FSTL5: variants seen among roughly 807,000 people sequenced by gnomAD.
The protein encoded by FSTL5 is follistatin-related protein 5.
A neutral mutation model predicts 89.1 loss-of-function variants in FSTL5; 62 were observed. The observed-to-expected ratio is 0.70, with a 90% confidence interval of 0.57 to 0.86. The LOEUF (loss-of-function observed/expected upper bound fraction) is 0.86, where lower values mean the gene tolerates loss of function less well. Among genes scored for constraint, FSTL5 ranks in the 40% least tolerant of loss-of-function variants. The probability of loss-of-function intolerance (pLI) is 0.00; values close to 1 mark genes in which losing one functional copy is unlikely to be tolerated. For missense variants in FSTL5, 1,057 were observed against 1,001.6 expected (o/e 1.06, Z -0.75); for synonymous variants, 383 against 346.2 (o/e 1.11, Z -1.18).
chr4:162,118,378 T>A (rs954348093), intron 1 of FSTL5, among the ~76,000 whole-genome samples: 21 of 152,142 alleles, frequency 1.4e-4, no homozygotes, highest in Non-Finnish European at 1.0e-4. Flanking sequence ...CTCCTGCCTC[T>A]GCCTCCTGAG....
chr4:161,605,912 A>T (rs997120531), intron 7 of FSTL5, among the ~76,000 whole-genome samples: 1 of 152,178 alleles, frequency 6.6e-6, no homozygotes, highest in African/African-American at 2.4e-5. Flanking sequence ...AAGTGGTATT[A>T]GCAAATGTAA....
chr4:161,674,495 T>TTTATA (rs1391946831), intron 6 of FSTL5, among the ~76,000 whole-genome samples: 1 of 152,124 alleles, frequency 6.6e-6, no homozygotes, highest in African/African-American at 2.4e-5. Context: ...CTGCATCACT[T>TTTATA]TTATATTTAC....
intron 7 of FSTL5, among the ~76,000 whole-genome samples, chr4:161,591,875 G>A (rs1483525673): frequency 6.6e-6 from 1 of 152,176 alleles, no homozygotes; most frequent in Non-Finnish European, 1.5e-5. Context: ...AGATGTCAAG[G>A]AAGCTACTAG....
At chr4:161,689,299 A>G (rs563504529) in intron 6 of FSTL5, among the ~76,000 whole-genome samples, 4 of 152,252 alleles carry the variant, frequency 2.6e-5, no homozygotes, top group Admixed American at 1.3e-4. Context: ...GCTCAGTTCT[A>G]TAGAAAGGGC....
intron 8 of FSTL5, among the ~76,000 whole-genome samples, chr4:161,581,007 C>T (rs1733417295): frequency 6.6e-6 from 1 of 151,922 alleles, no homozygotes; most frequent in Admixed American, 6.6e-5. Context: ...TGATACATGG[C>T]CAATACCACC....
At chr4:161,710,457 AT>A (rs1560802733) in intron 6 of FSTL5, among the ~76,000 whole-genome samples, 1 of 152,112 alleles carries the variant, frequency 6.6e-6, no homozygotes, top group African/African-American at 2.4e-5. Flanking sequence ...TTGGCTTTAG[AT>A]TTTGCATGTT....
At chr4:162,130,004 T>G (rs963671036) in intron 1 of FSTL5, among the ~76,000 whole-genome samples, 1 of 152,120 alleles carries the variant, frequency 6.6e-6, no homozygotes, top group South Asian at 2.1e-4. Context: ...TATAAAGCAA[T>G]AGAATTCTAA....
chr4:161,893,526 C>T (rs1733055334), intron 4 of FSTL5, among the ~76,000 whole-genome samples: 1 of 152,222 alleles, frequency 6.6e-6, no homozygotes, highest in Admixed American at 6.5e-5. Context: ...CTGGCATTAT[C>T]AGAATGCTTC....
At chr4:161,805,042 T>C (rs190016814) in intron 4 of FSTL5, among the ~76,000 whole-genome samples, 10 of 152,236 alleles carry the variant, frequency 6.6e-5, no homozygotes, top group African/African-American at 2.2e-4. Context: ...CTATGTCCTG[T>C]GCCTCAAAAC....
intron 15 of FSTL5, among the ~76,000 whole-genome samples, chr4:161,399,571 T>C (rs1173361112): frequency 1.3e-5 from 2 of 152,212 alleles, no homozygotes; most frequent in African/African-American, 2.4e-5. Flanking sequence ...TTTTTTTTCA[T>C]ATTATGACTT....
At chr4:162,139,946 G>T (rs1274817792) in intron 1 of FSTL5, among the ~76,000 whole-genome samples, 2 of 151,998 alleles carry the variant, frequency 1.3e-5, no homozygotes, top group Admixed American at 1.3e-4. Context: ...AGATCAAAAA[G>T]CTCCATGAAG....
At chr4:161,463,510 T>C (rs1056394606) in intron 13 of FSTL5, among the ~76,000 whole-genome samples, 4 of 152,190 alleles carry the variant, frequency 2.6e-5, no homozygotes, top group Non-Finnish European at 5.9e-5. Context: ...TTCAGGATAA[T>C]ACTTCCATGA....
chr4:161,500,689 C>G (rs953010147), intron 11 of FSTL5, among the ~76,000 whole-genome samples: 1 of 152,044 alleles, frequency 6.6e-6, no homozygotes, highest in Non-Finnish European at 1.5e-5. Flanking sequence ...TTAATATTGG[C>G]AATTTGGGAA....
At chr4:161,579,976 G>C (rs1312566528) in intron 8 of FSTL5, among the ~76,000 whole-genome samples, 1 of 151,926 alleles carries the variant, frequency 6.6e-6, no homozygotes, top group African/African-American at 2.4e-5. Context: ...TAAATTATAA[G>C]GGCAGAAGAA....
intron 4 of FSTL5, among the ~76,000 whole-genome samples, chr4:161,882,255 CA>C: frequency 6.6e-6 from 1 of 152,064 alleles, no homozygotes; most frequent in Admixed American, 6.6e-5. Flanking sequence ...CTTAAGCCAG[CA>C]GTAATGGACT....
chr4:162,155,653 G>A (rs1416583048), intron 1 of FSTL5, among the ~76,000 whole-genome samples: 1 of 152,184 alleles, frequency 6.6e-6, no homozygotes, highest in Non-Finnish European at 1.5e-5. Context: ...AATCACATGG[G>A]AGCACAGTAT....
intron 10 of FSTL5, among the ~76,000 whole-genome samples, chr4:161,536,486 G>T (rs1202126781): frequency 6.6e-6 from 1 of 152,058 alleles, no homozygotes; most frequent in Non-Finnish European, 1.5e-5. Context: ...CATCCCAAGG[G>T]AAACTATCTT....
At chr4:161,943,059 A>T (rs1407085531) in intron 3 of FSTL5, among the ~76,000 whole-genome samples, 1 of 152,166 alleles carries the variant, frequency 6.6e-6, no homozygotes, top group African/African-American at 2.4e-5. Context: ...AAATGGAATT[A>T]AGAAAACCAT....
chr4:161,599,584 T>G (rs961913106), intron 7 of FSTL5, among the ~76,000 whole-genome samples: 16 of 152,160 alleles, frequency 1.1e-4, no homozygotes, highest in African/African-American at 3.9e-4. Flanking sequence ...TTTAAATACA[T>G]GCAGAAAACC....
Sources: gnomAD v4.1 joint callset for allele counts (sites outside exome capture counted in the v4.1 genomes callset) on GRCh38, gnomAD v4.1.1 for gene constraint, MANE v1.5 for transcripts, NCBI Gene and HGNC (gene_info 2026-07-23, HGNC 2026-07-21) for gene names.